UNC13B: variants seen among roughly 807,000 people sequenced by gnomAD.
UNC13B encodes the protein unc-13 homolog B, also known as protein unc-13 homolog B.
Under a neutral mutation model 211.0 loss-of-function variants are expected in UNC13B, and 144 were observed. The observed-to-expected ratio is 0.68, with a 90% CI of 0.60 to 0.78. The LOEUF (loss-of-function observed/expected upper bound fraction) is 0.78, where lower values mean the gene tolerates loss of function less well. Ranked by LOEUF, UNC13B falls within the 30% of genes least tolerant of loss-of-function variation. The pLI is 0.00. For synonymous variants in UNC13B, 709 were observed against 725.8 expected, an observed-to-expected ratio of 0.98 and a Z score of 0.37; for missense variants, 1,777 against 2,002.0, an observed-to-expected ratio of 0.89 and a Z score of 2.14.
intron 1 of UNC13B, among the ~76,000 whole-genome samples, chr9:35,176,580 A>C (rs1241028074): frequency 6.6e-6 from 1 of 151,970 alleles, no homozygotes; most frequent in Non-Finnish European, 1.5e-5. Flanking sequence ...AAACAAAAAA[A>C]CCCCACAACT....
At chr9:35,162,421 G>T in intron 1 of UNC13B, 116 bp downstream of exon 1, 1 of 1,324,716 alleles carries the variant, frequency 7.5e-7, no homozygotes, top group South Asian at 1.5e-5. Context: ...CGTGCTTTGG[G>T]GGTCTATTAT....
intron 7 of UNC13B, among the ~76,000 whole-genome samples, chr9:35,280,387 A>G (rs1587531330): frequency 6.6e-6 from 1 of 152,190 alleles, no homozygotes; most frequent in Admixed American, 6.5e-5. Flanking sequence ...ACTGGCTGGA[A>G]CATTCTTTTT....
chr9:35,324,899 A>G (rs772243763), intron 11 of UNC13B, among the ~76,000 whole-genome samples: 4 of 152,026 alleles, frequency 2.6e-5, no homozygotes, highest in Admixed American at 1.3e-4. Context: ...ATTTCTAACT[A>G]CTTCTTGGAC....
intron 1 of UNC13B, among the ~76,000 whole-genome samples, chr9:35,183,608 T>A (rs1404656161): frequency 2.9e-5 from 4 of 137,236 alleles, no homozygotes; most frequent in African/African-American, 2.8e-5. Context: ...GCTCCTCACC[T>A]CCCAGACGGG....
intron 2 of UNC13B, 37 bp downstream of exon 2, chr9:35,228,081 A>G: frequency 6.4e-7 from 1 of 1,561,592 alleles, no homozygotes; most frequent in Non-Finnish European, 8.7e-7. Flanking sequence ...TTCCTCTTGT[A>G]TTTGCTGTTA....
intron 11 of UNC13B, among the ~76,000 whole-genome samples, chr9:35,335,331 C>T (rs1831593538): frequency 6.6e-6 from 1 of 152,200 alleles, no homozygotes; most frequent in Non-Finnish European, 1.5e-5. Flanking sequence ...GGGGGAGATC[C>T]ATGGCCTCTT....
intron 11 of UNC13B, among the ~76,000 whole-genome samples, chr9:35,358,642 AT>A (rs914475502): frequency 1.5e-4 from 19 of 124,336 alleles, no homozygotes; most frequent in Middle Eastern, 4.7e-3. Flanking sequence ...ATTTGCTCCT[AT>A]TTTTTTTATG....
Position 35,305,781 on chromosome 9 carries a change from G to A in UNC13B, c.6377G>A (p.Ser2126Asn). The A allele has an allele frequency of 5.0e-6, 2 of 398,998 alleles. No individual in the cohort carries two copies. 24.7% of individuals were successfully genotyped at this position (398,998 alleles called of 1,614,324 possible). The change falls in exon 9 of 40, where the codon AGC becomes AAC. Residue 2126 changes from serine to asparagine, a missense_variant. Transcript: ENST00000635942. ...AATGAAATATCCTTTGATACCCTGA[G>A]CAAGAGAAATTCAAATGAACAAGAT... The part of the protein sequence containing the change: ...KSNEISFDTL[S>N]KRNSNEQDHF...
chr9:35,287,766 C>G (rs903695318), intron 7 of UNC13B, among the ~76,000 whole-genome samples: 24 of 152,186 alleles, frequency 1.6e-4, no homozygotes, highest in African/African-American at 5.8e-4. Flanking sequence ...AGAAAAATCC[C>G]TGCCCTTATT....
intron 8 of UNC13B, 152 bp downstream of exon 8, chr9:35,296,082 T>C: frequency 1.4e-6 from 1 of 690,780 alleles, no homozygotes. Context: ...AGATTATTAG[T>C]CTTTTTTTTC....
At chr9:35,179,305 T>A (rs1482607240) in intron 1 of UNC13B, among the ~76,000 whole-genome samples, 1 of 152,170 alleles carries the variant, frequency 6.6e-6, no homozygotes, top group Non-Finnish European at 1.5e-5. Flanking sequence ...TAGCAGGTGT[T>A]TCATAGACTG....
In UNC13B at chr9:35,402,282, CTTTTTTTTTTTT is replaced by C. The variant is rs1168729927; in HGVS notation, c.12485-879_12485-868del. Among the ~76,000 whole-genome samples the C allele has an allele frequency of 3.7e-5, 5 of 136,884 alleles. No homozygotes were observed. The South Asian group carries it at 1.2e-3, about 32-fold the overall frequency. 89.8% of individuals were successfully genotyped at this position (136,884 alleles called of 152,430 possible). ...GATTGTGGTGGTGTTTTCTTTTTTTCTTTTTTTTTTTTTTTTTGAGACGGAGTCTCGCTCTGT... is the reference window on the plus strand; with the variant it reads ...GATTGTGGTGGTGTTTTCTTTTTTTCTTTTTGAGACGGAGTCTCGCTCTGT... On this transcript the variant is annotated intron_variant, in intron 37 of 39. Coordinates refer to ENST00000635942, the MANE Select transcript of UNC13B (RefSeq NM_001371189.2).
chr9:35,399,032 C>A lies in UNC13B; in HGVS notation c.12072C>A (p.Gly4024=), dbSNP rs1186420018. Residue 4024 remains glycine, a splice_region_variant and synonymous_variant, in exon 33 of 40, where the codon GGC becomes GGA. Transcript: ENST00000635942. ...GGCCTCTCATGGACTTCCTGGATGGCAAGTGAGTACAGCATTCAGGACTAT... is the reference window on the plus strand; with the variant it reads ...GGCCTCTCATGGACTTCCTGGATGGAAAGTGAGTACAGCATTCAGGACTAT... ...VLRPLMDFLD[G]NLTLFATVCE... 6.2e-7 allele frequency: 1 copy of A among 1,613,828 alleles called. No homozygotes were observed. The highest frequency in any genetic ancestry group is 2.2e-5 in the East Asian group (1 of 44,868).
At chr9:35,341,530 C>T (rs1029336534) in intron 11 of UNC13B, among the ~76,000 whole-genome samples, 4 of 152,152 alleles carry the variant, frequency 2.6e-5, no homozygotes, top group Admixed American at 6.5e-5. Context: ...TGCTGTGTTC[C>T]GGCTTCCCTC....
chr9:35,400,844 G>A (rs1836250189), intron 37 of UNC13B, among the ~76,000 whole-genome samples: 1 of 152,140 alleles, frequency 6.6e-6, no homozygotes, highest in African/African-American at 2.4e-5. Context: ...GGGGAGAGAA[G>A]GCAAAAGACT....
chr9:35,351,349 C>G (rs1194489116), intron 11 of UNC13B: 1 of 1,225,420 alleles, frequency 8.2e-7, no homozygotes, highest in East Asian at 3.2e-5. Context: ...GGAGGCCACA[C>G]ATGGGGCCAT....
chr9:35,372,424 G>T (rs1834196030), intron 13 of UNC13B, among the ~76,000 whole-genome samples: 1 of 152,264 alleles, frequency 6.6e-6, no homozygotes, highest in South Asian at 2.1e-4. Flanking sequence ...TGCCCCTAAA[G>T]CTTGGGCTTG....
At chr9:35,206,520 G>T (rs1823654651) in intron 1 of UNC13B, among the ~76,000 whole-genome samples, 1 of 151,988 alleles carries the variant, frequency 6.6e-6, no homozygotes, top group African/African-American at 2.4e-5. Flanking sequence ...TAATTTTTTA[G>T]GGTTCATCCA....
chr9:35,188,304 A>G (rs145806219), intron 1 of UNC13B, among the ~76,000 whole-genome samples: 2 of 152,354 alleles, frequency 1.3e-5, no homozygotes, highest in African/African-American at 4.8e-5. Context: ...GCAAGACAAC[A>G]ATTGTCTGCG....
Sources: gnomAD v4.1 joint callset for allele counts (sites outside exome capture counted in the v4.1 genomes callset) on GRCh38, gnomAD v4.1.1 for gene constraint, MANE v1.5 for transcripts, NCBI Gene and HGNC (gene_info 2026-07-23, HGNC 2026-07-21) for gene names.